PAWR: variants seen among roughly 807,000 people sequenced by gnomAD.
PAWR encodes PRKC apoptosis WT1 regulator protein.
PAWR carries 23 observed loss-of-function variants against 32.0 expected under a neutral mutation model. The ratio of observed to expected loss-of-function variants is 0.72; its 90% CI spans 0.52 to 1.02. The LOEUF is 1.02. Ranked by LOEUF, PAWR falls within the 50% of genes least tolerant of loss-of-function variation. PAWR has a pLI of 0.00. For missense variants in PAWR, 457 were observed against 437.7 expected, an observed-to-expected ratio of 1.04 and a Z score of -0.39; for synonymous variants, 226 against 187.1, an observed-to-expected ratio of 1.21 and a Z score of -1.70.
intron 2 of PAWR, among the ~76,000 whole-genome samples, chr12:79,681,481 C>T (rs1335502055): frequency 2.0e-5 from 3 of 152,110 alleles, no homozygotes; most frequent in Admixed American, 6.6e-5. Flanking sequence ...GATACATACA[C>T]ATCCACCCCT....
intron 2 of PAWR, among the ~76,000 whole-genome samples, chr12:79,623,419 A>G (rs1875124429): frequency 6.6e-6 from 1 of 152,210 alleles, no homozygotes; most frequent in Admixed American, 6.5e-5. Flanking sequence ...CTAGGTAAGA[A>G]GAATAGGCGA....
intron 2 of PAWR, among the ~76,000 whole-genome samples, chr12:79,638,759 T>TA (rs1876092382): frequency 6.7e-6 from 1 of 148,304 alleles, no homozygotes; most frequent in South Asian, 2.2e-4. Context: ...ATTGCCTCCC[T>TA]ATCAAGTCCA....
At chr12:79,642,894 C>T (rs1171618654) in intron 2 of PAWR, among the ~76,000 whole-genome samples, 40 of 152,084 alleles carry the variant, frequency 2.6e-4, no homozygotes, top group Non-Finnish European at 2.9e-5. Flanking sequence ...GTCATTTCTA[C>T]ATTAGGATTA....
intron 2 of PAWR, among the ~76,000 whole-genome samples, chr12:79,660,772 C>A (rs931731169): frequency 1.3e-5 from 2 of 151,460 alleles, no homozygotes; most frequent in South Asian, 2.1e-4. Flanking sequence ...TTACTAGAGA[C>A]GGGGTTTCAC....
At chr12:79,655,642 G>C (rs1369472939) in intron 2 of PAWR, among the ~76,000 whole-genome samples, 1 of 152,160 alleles carries the variant, frequency 6.6e-6, no homozygotes. Context: ...TAAGGCCTCA[G>C]ATACTACATT....
intron 2 of PAWR, chr12:79,688,558 G>T (rs1878798582): frequency 1.3e-5 from 2 of 151,192 alleles, no homozygotes; most frequent in African/African-American, 4.9e-5. Context: ...GATCTTTTGT[G>T]CAAGTAGCAA....
intron 2 of PAWR, among the ~76,000 whole-genome samples, chr12:79,653,114 G>A (rs1399592393): frequency 6.6e-6 from 1 of 152,074 alleles, no homozygotes; most frequent in East Asian, 1.9e-4. Context: ...CATGATCTCA[G>A]CTCACTGCAA....
chr12:79,608,707 T>C (rs936094594), intron 4 of PAWR, among the ~76,000 whole-genome samples: 2 of 152,186 alleles, frequency 1.3e-5, no homozygotes, highest in Non-Finnish European at 2.9e-5. Flanking sequence ...TAATACAATA[T>C]TAAGTGTTTC....
chr12:79,597,063 T>TC (rs1873790455), intron 4 of PAWR: 2 of 153,506 alleles, frequency 1.3e-5, no homozygotes, highest in East Asian at 3.8e-4. Context: ...TTATCTTTTT[T>TC]TTTTTTTTTT....
Position 79,585,101 on chromosome 12 carries a change from G to A in PAWR, c.*7506C>T, listed in dbSNP as rs1331138608. The A allele has an allele frequency of 2.3e-6, 1 of 442,574 alleles. No individual in the cohort carries two copies. The highest frequency in any genetic ancestry group is 2.0e-5 in the African/African-American group (1 of 49,272). The allele number at this position is 442,574 out of a possible 1,614,324, so 27.4% of individuals were successfully genotyped here. ...TCAGGATGCCAATGTCCATGCTGAG[G>A]CTTCTCCTGATACAATCTTTTGCAA... On this transcript the variant is annotated 3_prime_UTR_variant, in exon 7 of 7. Coordinates refer to ENST00000328827, the MANE Select transcript of PAWR (RefSeq NM_002583.4).
intron 2 of PAWR, among the ~76,000 whole-genome samples, chr12:79,639,908 T>TTCCAC (rs1876235589): frequency 6.6e-6 from 1 of 150,944 alleles, no homozygotes; most frequent in African/African-American, 2.5e-5. Context: ...TTCCATTCCA[T>TTCCAC]TCCATTCTAT....
rs148257021 is a variant in PAWR, at chr12:79,621,989, T to G, written c.517-782A>C. On this transcript the variant is annotated intron_variant, in intron 2 of 6. Transcript: ENST00000328827. ...GCCCTAAAGGTTTCTGCATGAGAACTCACACCCCCTCCAGACAAAAACAAA... is the reference window on the plus strand; with the variant it reads ...GCCCTAAAGGTTTCTGCATGAGAACGCACACCCCCTCCAGACAAAAACAAA... 4.6e-5 allele frequency among the ~76,000 whole-genome samples: 7 copies of G among 152,114 alleles called. No homozygotes were observed. The East Asian group carries it at 5.8e-4, about 13-fold the overall frequency.
chr12:79,683,891 AG>A (rs1455721074), intron 2 of PAWR, among the ~76,000 whole-genome samples: 3 of 152,182 alleles, frequency 2.0e-5, no homozygotes, highest in Non-Finnish European at 4.4e-5. Context: ...CTTAAAATTG[AG>A]GAGATCCTAC....
At chr12:79,651,547 T>C (rs1252623928) in intron 2 of PAWR, among the ~76,000 whole-genome samples, 2 of 152,054 alleles carry the variant, frequency 1.3e-5, no homozygotes. Context: ...TATTCCCCTA[T>C]CTAGTCTGGG....
chr12:79,661,868 G>A (rs1877366235), intron 2 of PAWR, among the ~76,000 whole-genome samples: 1 of 152,060 alleles, frequency 6.6e-6, no homozygotes, highest in Non-Finnish European at 1.5e-5. Flanking sequence ...GGTTACAGCT[G>A]CTTAATCATA....
chr12:79,644,589 A>G (rs1163983308), intron 2 of PAWR, among the ~76,000 whole-genome samples: 1 of 152,206 alleles, frequency 6.6e-6, no homozygotes, highest in Non-Finnish European at 1.5e-5. Flanking sequence ...TTAAATAAAC[A>G]AAAACTTTCG....
intron 3 of PAWR, among the ~76,000 whole-genome samples, chr12:79,617,195 T>A (rs1305291162): frequency 6.6e-6 from 1 of 152,024 alleles, no homozygotes; most frequent in African/African-American, 2.4e-5. Context: ...CTACTAAAAA[T>A]ACAACAATTA....
chr12:79,631,931 G>C (rs535242720), intron 2 of PAWR, among the ~76,000 whole-genome samples: 2 of 151,750 alleles, frequency 1.3e-5, no homozygotes, highest in Non-Finnish European at 2.9e-5. Flanking sequence ...TCAAGAGTTC[G>C]AGACCAGCCT....
At chr12:79,682,851 A>G (rs1878508201) in intron 2 of PAWR, among the ~76,000 whole-genome samples, 1 of 152,256 alleles carries the variant, frequency 6.6e-6, no homozygotes, top group Admixed American at 6.5e-5. Flanking sequence ...CTATAGGTCT[A>G]ACATGTAAGA....
Sources: gnomAD v4.1 joint callset for allele counts (sites outside exome capture counted in the v4.1 genomes callset) on GRCh38, gnomAD v4.1.1 for gene constraint, MANE v1.5 for transcripts, NCBI Gene and HGNC (gene_info 2026-07-23, HGNC 2026-07-21) for gene names.